Variants in PAX6 observed in about 807,000 individuals in gnomAD.
PAX6 encodes paired box 6.
PAX6 carries 7 observed loss-of-function variants against 60.7 expected under a neutral mutation model. The ratio of observed to expected loss-of-function variants is 0.12; its 90% CI spans 0.07 to 0.22. PAX6 has a LOEUF of 0.22. Among genes scored for constraint, PAX6 ranks in the 10% least tolerant of loss-of-function variants. The pLI, the probability that PAX6 is intolerant of heterozygous loss-of-function variation, is 1.00. For missense variants in PAX6, 355 were observed against 555.2 expected, an observed-to-expected ratio of 0.64 and a Z score of 3.62; for synonymous variants, 208 against 201.2, an observed-to-expected ratio of 1.03 and a Z score of -0.29.
rs754370657 is a variant in PAX6 at position 31,789,674 on chromosome 11, C to T, written c.*260G>A. On this transcript the variant is annotated 3_prime_UTR_variant, in exon 14 of 14. Transcript: ENST00000640368. ...ATTATAACATACAAATGCCCATTTA[C>T]AAATAATACACCAAAATGAATAAAA... is the stretch of plus-strand genomic sequence containing the variant. 100 of 701,400 alleles carry T rather than the reference C, an allele frequency of 1.4e-4. 1 individual carries two copies. The South Asian group carries it at 1.5e-3, about 10-fold the overall frequency. 43.4% of individuals were successfully genotyped at this position (701,400 alleles called of 1,614,324 possible). A position where few individuals can be genotyped will look rare whatever the true frequency, so the allele number is the denominator to read the frequency against.
chr11:31,796,271 A>G (rs1951480682), intron 8 of PAX6, among the ~76,000 whole-genome samples: 1 of 152,106 alleles, frequency 6.6e-6, no homozygotes, highest in Admixed American at 6.5e-5. Flanking sequence ...GCGTTGGCAA[A>G]CTTTCGTGGG....
rs1565180804 is a variant in PAX6, at chr11:31,789,864, T to G, written c.*70A>C. ...TTTCTTTCTTTCCTGAAAGCTCAAC[T>G]GTTGTGTCCCCATAGTCACTGACTG... On this transcript the variant is annotated 3_prime_UTR_variant, in exon 14 of 14. Transcript: ENST00000640368. The G allele has an allele frequency of 7.3e-7, 1 of 1,374,816 alleles. No homozygotes were observed. The highest frequency in any genetic ancestry group is 1.0e-6 in the Non-Finnish European group (1 of 981,062). The allele number at this position is 1,374,816 out of a possible 1,614,324, so 85.2% of individuals were successfully genotyped here. A position where few individuals can be genotyped will look rare whatever the true frequency, so the allele number is the denominator to read the frequency against.
chr11:31,803,564 C>T (rs943681119), intron 4 of PAX6: 2 of 152,334 alleles, frequency 1.3e-5, no homozygotes, highest in African/African-American at 4.8e-5. Context: ...GCTGGTGAAC[C>T]CCAGTCCAGG....
chr11:31,806,492 C>T (rs942203415), intron 3 of PAX6, 30 bp from the exon 4 acceptor site: 108 of 1,541,220 alleles, frequency 7.0e-5, no homozygotes, highest in Non-Finnish European at 9.2e-5. Context: ...AGTTAATCCT[C>T]GGGCAGCTGC....
upstream of PAX6, among the ~76,000 whole-genome samples, chr11:31,815,357 G>C (rs1957329231): frequency 6.6e-6 from 1 of 152,104 alleles, no homozygotes; most frequent in Non-Finnish European, 1.5e-5. Context: ...AGCTTCAAAG[G>C]AAAAGCAAGC....
At chr11:31,792,078 G>A (rs1389361821) in intron 12 of PAX6, 4 of 152,156 alleles carry the variant, frequency 2.6e-5, no homozygotes, top group Admixed American at 1.3e-4. Context: ...CAGAAACCTG[G>A]ATGTTGTTAT....
chr11:31,816,599 T>C (rs1289801671), intron 1 of PAX6: 1 of 702,532 alleles, frequency 1.4e-6, no homozygotes, highest in Admixed American at 2.0e-5. Flanking sequence ...GCCGCCCAGC[T>C]CCAGGGAGAG....
chr11:31,799,938 A>G (rs1245400073), intron 8 of PAX6, among the ~76,000 whole-genome samples: 1 of 138,062 alleles, frequency 7.2e-6, no homozygotes, highest in African/African-American at 2.7e-5. Context: ...GAGCCAACTG[A>G]CCCTCCCCTC....
chr11:31,811,207 C>T lies in PAX6; in HGVS notation c.-409G>A, dbSNP rs1592656373. The T allele has an allele frequency of 2.5e-6, 1 of 399,288 alleles. No homozygotes were observed. The allele number at this position is 399,288 out of a possible 1,614,324, so 24.7% of individuals were successfully genotyped here. On this transcript the variant is annotated 5_prime_UTR_variant, in exon 1 of 14. Coordinates refer to ENST00000640368, the MANE Select transcript of PAX6 (RefSeq NM_001368894.2). The stretch of plus-strand genomic sequence containing the variant: ...GCTCCTCACTGGCCCATTAGCGAAG[C>T]CTGACCTCTGTCATCATCCTCCAGC...
chr11:31,798,493 C>T (rs2134895054), intron 8 of PAX6, among the ~76,000 whole-genome samples: 1 of 152,266 alleles, frequency 6.6e-6, no homozygotes, highest in South Asian at 2.1e-4. Context: ...CTCTTAGCAC[C>T]AAAAAGTCTG....
intron 7 of PAX6, 200 bp downstream of exon 7, chr11:31,801,361 C>T: frequency 6.8e-7 from 1 of 1,477,956 alleles, no homozygotes; most frequent in Non-Finnish European, 8.9e-7. Flanking sequence ...TGAATGACTC[C>T]CCACACTTGA....
At chr11:31,813,720 G>A (rs1433540432), upstream of PAX6, among the ~76,000 whole-genome samples, 3 of 152,152 alleles carry the variant, frequency 2.0e-5, no homozygotes, top group Non-Finnish European at 4.4e-5. Flanking sequence ...AAACAAAAAG[G>A]ACTTGGCTGC....
At chr11:31,800,193 C>T (rs558249644) in intron 8 of PAX6, among the ~76,000 whole-genome samples, 1 of 152,242 alleles carries the variant, frequency 6.6e-6, no homozygotes, top group South Asian at 2.1e-4. Flanking sequence ...GAGACCACCA[C>T]TTCCAATGCC....
intron 8 of PAX6, among the ~76,000 whole-genome samples, chr11:31,796,752 G>C (rs1000277040): frequency 3.9e-5 from 6 of 152,084 alleles, no homozygotes; most frequent in Non-Finnish European, 7.4e-5. Context: ...AATGCTGAGA[G>C]GAAAAAGAGA....
chr11:31,809,340 G>T (rs532333859), intron 2 of PAX6: 1 of 152,330 alleles, frequency 6.6e-6, no homozygotes, highest in Non-Finnish European at 1.5e-5. Context: ...TTCATTTTCT[G>T]CTCCCAGCCC....
intron 4 of PAX6, 191 bp from the exon 5 acceptor site, chr11:31,803,025 C>T: frequency 1.5e-6 from 1 of 662,664 alleles, no homozygotes; most frequent in Non-Finnish European, 2.7e-6. Context: ...CCAACCTGTG[C>T]CAACCTCGGC....
At chr11:31,791,160 TGCTA>T (rs911896608) in intron 12 of PAX6, 40 of 458,276 alleles carry the variant, frequency 8.7e-5, no homozygotes, top group Admixed American at 2.0e-4. Flanking sequence ...CTCTAACCTC[TGCTA>T]GCATCTTTGA....
At chr11:31,814,226 G>A (rs555168259), upstream of PAX6, 1 of 152,386 alleles carries the variant, frequency 6.6e-6, no homozygotes, top group South Asian at 2.1e-4. Context: ...CCGGTAGCGG[G>A]GCTGTCTGCG....
rs1003489023 is a variant in PAX6, at chr11:31,802,184, T to C, written c.142-272A>G. 2.6e-5 allele frequency: 12 copies of C among 467,186 alleles called. No individual in the cohort carries two copies. In the Admixed American group the frequency reaches 3.1e-4, roughly 12 times the overall value. The allele number at this position is 467,186 out of a possible 1,614,324, so 28.9% of individuals were successfully genotyped here. On this transcript the variant is annotated intron_variant, in intron 5 of 13. Coordinates refer to ENST00000640368, the MANE Select transcript of PAX6 (RefSeq NM_001368894.2). ...TAAAGAACAAAGGTAAAAAATAAAC[T>C]GATTTTTTTACTTCTTCTTCTTTAA...
Sources: allele counts gnomAD v4.1 joint callset (sites outside exome capture counted in the v4.1 genomes callset), GRCh38; gene constraint gnomAD v4.1.1; transcripts MANE v1.5; gene names NCBI Gene and HGNC (gene_info 2026-07-23, HGNC 2026-07-21).